CSMD1: variants seen among roughly 807,000 people sequenced by gnomAD.
CSMD1 encodes CUB and sushi domain-containing protein 1.
Under a neutral mutation model 417.5 loss-of-function variants are expected in CSMD1, and 213 were observed. The observed-to-expected ratio is 0.51, with a 90% CI of 0.46 to 0.57. CSMD1 has a LOEUF of 0.57. CSMD1 is among the 20% of genes least tolerant of loss of function. The probability of loss-of-function intolerance (pLI) is 0.00; values close to 1 mark genes in which losing one functional copy is unlikely to be tolerated. For synonymous variants in CSMD1, 2,862 were observed against 1,736.8 expected (o/e 1.65, Z -16.11); for missense variants, 6,923 against 4,529.7 (o/e 1.53, Z -15.17).
chr8:4,516,104 G>A (rs1026475766), intron 2 of CSMD1, among the ~76,000 whole-genome samples: 3 of 152,084 alleles, frequency 2.0e-5, no homozygotes, highest in African/African-American at 4.8e-5. Flanking sequence ...TGTACCGGGG[G>A]CTGAGTTCTT....
chr8:4,717,469 T>C (rs572701617), intron 1 of CSMD1, among the ~76,000 whole-genome samples: 29 of 150,918 alleles, frequency 1.9e-4, no homozygotes, highest in East Asian at 3.9e-4. Flanking sequence ...TATATATATA[T>C]ACACACACAC....
At chr8:4,012,056 G>T (rs1031634108) in intron 4 of CSMD1, among the ~76,000 whole-genome samples, 2 of 152,048 alleles carry the variant, frequency 1.3e-5, no homozygotes, top group Non-Finnish European at 2.9e-5. Flanking sequence ...GGTCGGTACA[G>T]ATGCAGCCAT....
intron 2 of CSMD1, among the ~76,000 whole-genome samples, chr8:4,598,791 A>C (rs1478875795): frequency 3.3e-5 from 5 of 152,194 alleles, no homozygotes. Context: ...TTTCAATCAC[A>C]GAAATAGGTT....
chr8:2,974,119 T>C (rs151017158), intron 56 of CSMD1, among the ~76,000 whole-genome samples: 144 of 148,320 alleles, frequency 9.7e-4, no homozygotes, highest in Admixed American at 1.5e-3. Context: ...AGGATGATGG[T>C]AGAGGGAGGG....
chr8:3,420,714 T>A (rs906157384), intron 12 of CSMD1, among the ~76,000 whole-genome samples: 10 of 152,206 alleles, frequency 6.6e-5, no homozygotes, highest in African/African-American at 2.4e-4. Context: ...AATACCTTTG[T>A]CACGCTTGCA....
chr8:4,117,756 T>C (rs925419660), intron 3 of CSMD1, among the ~76,000 whole-genome samples: 21 of 152,154 alleles, frequency 1.4e-4, no homozygotes, highest in Admixed American at 1.2e-3. Flanking sequence ...CAAATAGATA[T>C]TCAGAAACAC....
At chr8:3,695,450 A>T (rs1800498352) in intron 7 of CSMD1, among the ~76,000 whole-genome samples, 1 of 152,186 alleles carries the variant, frequency 6.6e-6, no homozygotes, top group South Asian at 2.1e-4. Flanking sequence ...TTGAATATTA[A>T]TATAAAATCA....
intron 5 of CSMD1, among the ~76,000 whole-genome samples, chr8:3,863,395 CAAA>C (rs35446566): frequency 2.3e-4 from 21 of 90,304 alleles, no homozygotes; most frequent in African/African-American, 4.6e-4. Flanking sequence ...ATACTCTGCT[CAAA>C]AAAAAAAAAA....
intron 61 of CSMD1, 52 bp downstream of exon 61, chr8:2,962,414 C>A: frequency 1.3e-6 from 2 of 1,507,388 alleles, no homozygotes; most frequent in Non-Finnish European, 1.8e-6. Flanking sequence ...AATGAAGCGT[C>A]CTCATCTCCA....
chr8:3,839,445 TTATAA>T (rs576772392), intron 5 of CSMD1, among the ~76,000 whole-genome samples: 2,949 of 125,016 alleles, frequency 0.024, 89 homozygotes, highest in African/African-American at 0.057. Flanking sequence ...ATATTATATA[TTATAA>T]TATAATATAT....
chr8:3,989,367 G>A (rs1233217246), intron 5 of CSMD1, among the ~76,000 whole-genome samples: 8 of 152,178 alleles, frequency 5.3e-5, no homozygotes, highest in Admixed American at 2.0e-4. Context: ...TTTATGGCCT[G>A]CTGATAGAAA....
chr8:4,686,868 G>A (rs1806415953), intron 1 of CSMD1, among the ~76,000 whole-genome samples: 1 of 152,196 alleles, frequency 6.6e-6, no homozygotes, highest in South Asian at 2.1e-4. Flanking sequence ...GGCAAACCCT[G>A]AGCAGGCGAT....
intron 1 of CSMD1, among the ~76,000 whole-genome samples, chr8:4,860,027 T>A (rs1802032553): frequency 6.6e-6 from 1 of 151,860 alleles, no homozygotes; most frequent in Non-Finnish European, 1.5e-5. Flanking sequence ...CCAACAATGA[T>A]AGACTGGATT....
intron 26 of CSMD1, among the ~76,000 whole-genome samples, chr8:3,273,078 T>A (rs560198954): frequency 3.2e-4 from 48 of 152,128 alleles, no homozygotes; most frequent in Non-Finnish European, 6.0e-4. Context: ...TTGTTATAGA[T>A]AGCTCTTATT....
intron 5 of CSMD1, among the ~76,000 whole-genome samples, chr8:3,922,108 C>G (rs888222036): frequency 1.3e-5 from 2 of 150,278 alleles, no homozygotes; most frequent in Admixed American, 1.4e-4. Context: ...ATGAATTGAC[C>G]CCTTTATCAT....
Position 4,498,702 on chromosome 8 carries a change from C to T in CSMD1, c.303-78637G>A, listed in dbSNP as rs549642721. 3.3e-4 allele frequency among the ~76,000 whole-genome samples: 51 copies of T among 152,260 alleles called. No homozygotes were observed. The South Asian group carries it at 0.01, about 31-fold the overall frequency. Reference sequence around the variant, plus strand: ...CGAGTACCTACTTTGTGGTTCCAGACAGTTAGCTAAGCCCTCTGAATGCAT... The same window carrying T: ...CGAGTACCTACTTTGTGGTTCCAGATAGTTAGCTAAGCCCTCTGAATGCAT... On this transcript the variant is annotated intron_variant, in intron 2 of 69. Coordinates refer to ENST00000635120, the MANE Select transcript of CSMD1 (RefSeq NM_033225.6).
chr8:3,109,676 C>T (rs917638018), intron 43 of CSMD1, among the ~76,000 whole-genome samples: 2 of 152,242 alleles, frequency 1.3e-5, no homozygotes, highest in African/African-American at 4.8e-5. Context: ...GCCTTACTTG[C>T]CCTGGCTGCT....
intron 5 of CSMD1, among the ~76,000 whole-genome samples, chr8:3,914,057 T>C (rs934898000): frequency 6.6e-6 from 1 of 152,148 alleles, no homozygotes; most frequent in Non-Finnish European, 1.5e-5. Context: ...TAATATTAAG[T>C]GGAAATGATC....
At chr8:3,140,814 G>C (rs1401807743) in intron 41 of CSMD1, among the ~76,000 whole-genome samples, 3 of 151,946 alleles carry the variant, frequency 2.0e-5, no homozygotes, top group Non-Finnish European at 2.9e-5. Context: ...AAATTATTTT[G>C]CATGAAATTA....
Sources: allele counts gnomAD v4.1 joint callset (sites outside exome capture counted in the v4.1 genomes callset), GRCh38; gene constraint gnomAD v4.1.1; transcripts MANE v1.5; gene names NCBI Gene and HGNC (gene_info 2026-07-23, HGNC 2026-07-21).